Variants in HECW2 observed in about 807,000 individuals in gnomAD.
HECW2 encodes the protein E3 ubiquitin-protein ligase HECW2.
In HECW2, 61 loss-of-function variants were observed where a neutral mutation model predicts 175.2. The observed-to-expected ratio is 0.35, with a 90% CI of 0.28 to 0.43. HECW2 has a LOEUF of 0.43. Among genes scored for constraint, HECW2 ranks in the 20% least tolerant of loss-of-function variants. The pLI, the probability that HECW2 is intolerant of heterozygous loss-of-function variation, is 1.00. For missense variants in HECW2, 1,524 were observed against 2,000.5 expected (o/e 0.76, Z 4.54); for synonymous variants, 671 against 731.0 (o/e 0.92, Z 1.32).
intron 21 of HECW2, among the ~76,000 whole-genome samples, chr2:196,238,305 C>T (rs554968918): frequency 1.3e-3 from 195 of 152,132 alleles, no homozygotes; most frequent in Non-Finnish European, 2.3e-3. Context: ...AAATTTGGGT[C>T]GCTCTTCCCT....
chr2:196,353,658 A>G lies in HECW2; in HGVS notation c.293-9894T>C, dbSNP rs185427020. ...AAAACAGCCTGAAGGCTGAAAGACC[A>G]CACTGCTGGTTCTGGATGAAAGCCG... On this transcript the variant is annotated intron_variant, in intron 2 of 28. Transcript: ENST00000644978. Among the ~76,000 whole-genome samples the G allele has an allele frequency of 1.9e-4, 29 of 152,342 alleles. No homozygotes were observed. The East Asian group carries it at 5.2e-3, about 27-fold the overall frequency.
At chr2:196,276,250 G>A (rs996879160) in intron 15 of HECW2, among the ~76,000 whole-genome samples, 31 of 152,084 alleles carry the variant, frequency 2.0e-4, no homozygotes, top group East Asian at 1.9e-4. Context: ...ACACTCCCCC[G>A]GAAGGTTTAA....
At chr2:196,339,765 A>G (rs904181172) in intron 3 of HECW2, among the ~76,000 whole-genome samples, 5 of 152,242 alleles carry the variant, frequency 3.3e-5, no homozygotes, top group South Asian at 2.1e-4. Context: ...TACTGCACAA[A>G]TGACCCATTC....
At chr2:196,358,998 G>A (rs1290950920) in intron 2 of HECW2, among the ~76,000 whole-genome samples, 2 of 152,166 alleles carry the variant, frequency 1.3e-5, no homozygotes. Flanking sequence ...AGAACCAGAT[G>A]GAGGTGCCCT....
intron 2 of HECW2, among the ~76,000 whole-genome samples, chr2:196,359,375 G>A (rs1172326043): frequency 6.6e-6 from 1 of 152,184 alleles, no homozygotes; most frequent in African/African-American, 2.4e-5. Flanking sequence ...TTGAACCTGG[G>A]AGGCAGAGGT....
At chr2:196,225,604 CAT>C (rs938749225) in intron 23 of HECW2, among the ~76,000 whole-genome samples, 166 bp downstream of exon 23, 1 of 152,156 alleles carries the variant, frequency 6.6e-6, no homozygotes, top group African/African-American at 2.4e-5. Context: ...ACACAGTAAT[CAT>C]ATTTGAAATT....
intron 14 of HECW2, chr2:196,289,424 A>C (rs1194793307): frequency 1.3e-5 from 2 of 152,280 alleles, no homozygotes; most frequent in African/African-American, 4.8e-5. Flanking sequence ...GCAGGGTGGC[A>C]CGTGCCTATA....
At chr2:196,518,063 C>T (rs1688213503) in intron 1 of HECW2, among the ~76,000 whole-genome samples, 1 of 152,126 alleles carries the variant, frequency 6.6e-6, no homozygotes, top group Admixed American at 6.5e-5. Context: ...AGAAAGAAAG[C>T]TTTTAACACA....
chr2:196,202,650 C>T (rs1431094576), intron 28 of HECW2, among the ~76,000 whole-genome samples: 1 of 152,122 alleles, frequency 6.6e-6, no homozygotes, highest in African/African-American at 2.4e-5. Flanking sequence ...TAATTGCCTT[C>T]AGTGAATTGC....
At chr2:196,478,789 A>C (rs997357782) in intron 1 of HECW2, among the ~76,000 whole-genome samples, 1 of 152,112 alleles carries the variant, frequency 6.6e-6, no homozygotes, top group African/African-American at 2.4e-5. Flanking sequence ...TGCATCCCCA[A>C]ATAGAAACTC....
At chr2:196,329,000 T>C (rs1206371372) in intron 5 of HECW2, among the ~76,000 whole-genome samples, 1 of 150,462 alleles carries the variant, frequency 6.6e-6, no homozygotes, top group Non-Finnish European at 1.5e-5. Flanking sequence ...TCTGACATTA[T>C]TCTTTTTTTT....
intron 28 of HECW2, among the ~76,000 whole-genome samples, chr2:196,204,080 C>T (rs1275534401): frequency 6.6e-5 from 10 of 152,226 alleles, no homozygotes; most frequent in Admixed American, 5.2e-4. Context: ...TATGTATATA[C>T]CACATTTTCT....
chr2:196,436,390 G>A (rs1330343680), intron 1 of HECW2, among the ~76,000 whole-genome samples: 4 of 111,742 alleles, frequency 3.6e-5, no homozygotes, highest in Non-Finnish European at 6.9e-5. Flanking sequence ...GACAGAGCGA[G>A]ACTCCATCTC....
intron 1 of HECW2, among the ~76,000 whole-genome samples, chr2:196,468,903 C>T (rs560823384): frequency 2.6e-5 from 4 of 152,260 alleles, no homozygotes; most frequent in Admixed American, 2.6e-4. Context: ...TTATCTGCCT[C>T]GTCCTCCTAG....
intron 23 of HECW2, among the ~76,000 whole-genome samples, chr2:196,224,664 A>G (rs1234833583): frequency 6.6e-6 from 1 of 152,212 alleles, no homozygotes; most frequent in East Asian, 1.9e-4. Context: ...CGGACTAATC[A>G]GTATTCTTTA....
chr2:196,432,887 C>A (rs1446124952), intron 2 of HECW2, among the ~76,000 whole-genome samples: 1 of 152,142 alleles, frequency 6.6e-6, no homozygotes. Flanking sequence ...AATACTGTAA[C>A]ACCTGCAGGT....
chr2:196,317,069 C>T, intron 10 of HECW2: 5 of 509,014 alleles, frequency 9.8e-6, no homozygotes, highest in Non-Finnish European at 1.8e-5. Context: ...GGATTTACAG[C>T]TGCCCTTTCT....
chr2:196,425,997 C>T (rs1695535968), intron 2 of HECW2, among the ~76,000 whole-genome samples: 1 of 152,084 alleles, frequency 6.6e-6, no homozygotes, highest in African/African-American at 2.4e-5. Context: ...TGTGCAGCTA[C>T]CCGAACCTTC....
chr2:196,433,776 C>T (rs1022180380), intron 1 of HECW2, among the ~76,000 whole-genome samples: 1 of 152,166 alleles, frequency 6.6e-6, no homozygotes, highest in South Asian at 2.1e-4. Flanking sequence ...AAACACCCCA[C>T]GTTCAAACAT....
Sources: gnomAD v4.1 joint callset for allele counts (sites outside exome capture counted in the v4.1 genomes callset) on GRCh38, gnomAD v4.1.1 for gene constraint, MANE v1.5 for transcripts, NCBI Gene and HGNC (gene_info 2026-07-23, HGNC 2026-07-21) for gene names.